Variants in PITPNM3 observed in about 807,000 individuals in gnomAD.
PITPNM3 encodes PITPNM family member 3.
In PITPNM3, 26 loss-of-function variants were observed where a neutral mutation model predicts 102.0. The observed-to-expected ratio is 0.25, with a 90% CI of 0.19 to 0.35. The LOEUF is 0.35. PITPNM3 is among the 10% of genes least tolerant of loss of function. The pLI is 1.00. For synonymous variants in PITPNM3, 578 were observed against 558.6 expected (o/e 1.03, Z -0.49); for missense variants, 1,083 against 1,346.1 (o/e 0.80, Z 3.06).
chr17:6,542,510 T>A (rs1909786030), intron 1 of PITPNM3, among the ~76,000 whole-genome samples: 1 of 152,220 alleles, frequency 6.6e-6, no homozygotes, highest in South Asian at 2.1e-4. Flanking sequence ...TAGCAGAGGT[T>A]AGAACACGGG....
chr17:6,497,730 C>T (rs999709648), intron 4 of PITPNM3, among the ~76,000 whole-genome samples: 8 of 152,206 alleles, frequency 5.3e-5, no homozygotes, highest in Admixed American at 5.2e-4. Flanking sequence ...AGACGACCAG[C>T]ATGGCTTTGG....
Position 6,525,370 on chromosome 17 carries a change from A to C in PITPNM3, c.212T>G (p.Leu71Arg). The C allele has an allele frequency of 2.5e-6, 4 of 1,614,174 alleles. No homozygotes were observed. Among genetic ancestry groups the C allele is most frequent in the Non-Finnish European group, 2.5e-6 (3 of 1,180,002 alleles). ...LVEQIETMGK[L>R]DEHQGEGTAP... Reference sequence around the variant, plus strand: ...CAGAGTCTCACCTTGATGCTCGTCCAGTTTCCCCATGGTCTCGATCTGCTC... The same window carrying C: ...CAGAGTCTCACCTTGATGCTCGTCCCGTTTCCCCATGGTCTCGATCTGCTC... The change falls in exon 3 of 20, where the codon CTG (leucine) becomes CGG (arginine). Residue 71 changes from leucine to arginine, a missense_variant. Leu to Arg is a moderately radical substitution (Grantham distance 102). This residue lies in a region of PITPNM3 where 290 missense variants were observed against 337.8 expected (regional missense o/e 0.86). Transcript: ENST00000262483.
At position 6,551,563 on chromosome 17, in the gene PITPNM3, C is replaced by A. The variant is rs1910301708; in HGVS notation, c.22+4822G>T. ...GAGTCATGCCTCAAATCCTCTGGCA[C>A]CTCCCCAAAGATTTAAGAATCCCAG... On this transcript the variant is annotated intron_variant, in intron 1 of 19. Coordinates refer to ENST00000262483, the MANE Select transcript of PITPNM3 (RefSeq NM_031220.4). Among the ~76,000 whole-genome samples the A allele has an allele frequency of 3.3e-5, 5 of 152,050 alleles. No homozygotes were observed. In the South Asian group the frequency reaches 1.0e-3, roughly 32 times the overall value.
At position 6,556,286 on chromosome 17, in the gene PITPNM3, C is replaced by A; in HGVS notation, c.22+99G>T. On this transcript the variant is annotated intron_variant, in intron 1 of 19. Coordinates refer to ENST00000262483, the MANE Select transcript of PITPNM3 (RefSeq NM_031220.4). This position sits in a 1 kb window ranked among gnomAD's most constrained non-coding sequence, Gnocchi z 5.2. Reference sequence around the variant, plus strand: ...CCTACGCCCTCCCGGGACCTCCGCCCACCTGCGCGAGGGGTTCACCTGGGC... The same window carrying A: ...CCTACGCCCTCCCGGGACCTCCGCCAACCTGCGCGAGGGGTTCACCTGGGC... 1.8e-6 allele frequency: 2 copies of A among 1,090,158 alleles called. No homozygotes were observed. The highest frequency in any genetic ancestry group is 1.8e-5 in the South Asian group (1 of 54,330). The allele number at this position is 1,090,158 out of a possible 1,614,324, so 67.5% of individuals were successfully genotyped here.
chr17:6,538,210 C>T, intron 1 of PITPNM3, 128 bp from the exon 2 acceptor site: 1 of 718,436 alleles, frequency 1.4e-6, no homozygotes, highest in Middle Eastern at 2.7e-4. Flanking sequence ...CCCTCCGAGG[C>T]CTCAGACCTC....
chr17:6,518,205 T>C (rs2150631707), intron 3 of PITPNM3, among the ~76,000 whole-genome samples: 1 of 152,334 alleles, frequency 6.6e-6, no homozygotes, highest in African/African-American at 2.4e-5. Flanking sequence ...TCAGGATTCT[T>C]GTACATGGCT....
At chr17:6,490,953 C>T (rs1341570026) in intron 4 of PITPNM3, among the ~76,000 whole-genome samples, 6 of 126,514 alleles carry the variant, frequency 4.7e-5, no homozygotes, top group Non-Finnish European at 9.7e-5. Context: ...CAGAGCAAGA[C>T]TCTGTCACCA....
intron 1 of PITPNM3, among the ~76,000 whole-genome samples, chr17:6,543,643 C>T (rs1454837809): frequency 1.3e-5 from 2 of 152,240 alleles, no homozygotes; most frequent in African/African-American, 4.8e-5. Flanking sequence ...AGTCCCTGCC[C>T]TCAGAAATGC....
In PITPNM3 at chr17:6,540,524, A is replaced by C. The variant is rs77142754; in HGVS notation, c.23-2442T>G. The stretch of plus-strand genomic sequence containing the variant: ...ACTTTGTCACCTATTGTAGTTATAA[A>C]TGCTGAACTAACATGATGTCTCCCT... On this transcript the variant is annotated intron_variant, in intron 1 of 19. Transcript: ENST00000262483. 8.9e-3 allele frequency among the ~76,000 whole-genome samples: 1,348 copies of C among 152,306 alleles called. 17 individuals are homozygous for C. Among genetic ancestry groups the C allele is most frequent in the African/African-American group, 0.03 (1,259 of 41,566 alleles).
At chr17:6,542,998 T>C (rs994985913) in intron 1 of PITPNM3, among the ~76,000 whole-genome samples, 2 of 152,228 alleles carry the variant, frequency 1.3e-5, no homozygotes, top group South Asian at 4.1e-4. Flanking sequence ...AGTGCTGGGA[T>C]TACAGGCGTG....
At chr17:6,514,691 T>C (rs913507879) in intron 3 of PITPNM3, among the ~76,000 whole-genome samples, 1 of 152,182 alleles carries the variant, frequency 6.6e-6, no homozygotes, top group African/African-American at 2.4e-5. Context: ...GGAAATGAAT[T>C]TGGCAGCTCT....
intron 9 of PITPNM3, 125 bp downstream of exon 9, chr17:6,476,904 T>C: frequency 8.1e-7 from 1 of 1,241,112 alleles, no homozygotes; most frequent in Non-Finnish European, 1.1e-6. Context: ...CGAGTGGCCT[T>C]GGTCCCAGCA....
intron 1 of PITPNM3, among the ~76,000 whole-genome samples, chr17:6,555,019 G>A (rs548478252): frequency 1.3e-5 from 2 of 152,284 alleles, no homozygotes; most frequent in South Asian, 2.1e-4. Context: ...TGGGACACAC[G>A]CCCTGCCACA....
At position 6,525,480 on chromosome 17, in the gene PITPNM3, C is replaced by A; in HGVS notation, c.119-17G>T. The A allele has an allele frequency of 6.3e-7, 1 of 1,599,508 alleles. No homozygotes were observed. The highest frequency in any genetic ancestry group is 8.6e-7 in the Non-Finnish European group (1 of 1,166,766). On this transcript the variant is annotated splice_polypyrimidine_tract_variant and intron_variant, in intron 2 of 19. Transcript: ENST00000262483. ...CCATCTCCTCTGTGGGAAGAAGCAG[C>A]GGTGAGCAGAAGCAGGTGCAGCTAG...
At chr17:6,481,865 G>C (rs991918858) in intron 6 of PITPNM3, 1 of 77,506 alleles carries the variant, frequency 1.3e-5, no homozygotes, top group Non-Finnish European at 2.7e-5. Flanking sequence ...GAGAGAGAGA[G>C]AGAGAGAGAG....
At chr17:6,493,424 C>A (rs1031772798) in intron 4 of PITPNM3, among the ~76,000 whole-genome samples, 12 of 152,172 alleles carry the variant, frequency 7.9e-5, no homozygotes, top group African/African-American at 2.9e-4. Flanking sequence ...AAAGCCAGGA[C>A]AAATAAGGGT....
At chr17:6,462,820 G>C (rs1904534567) in intron 17 of PITPNM3, among the ~76,000 whole-genome samples, 1 of 152,146 alleles carries the variant, frequency 6.6e-6, no homozygotes, top group African/African-American at 2.4e-5. Context: ...CTGATGTGGG[G>C]CCCAGTGATG....
Position 6,517,858 on chromosome 17 carries a change from C to A in PITPNM3, c.226+7498G>T, listed in dbSNP as rs1273633101. The stretch of plus-strand genomic sequence containing the variant: ...TACAGGCATGAGCCACTGTACCTGG[C>A]CAAAAATACCAGTTTTCAAATGTAT... On this transcript the variant is annotated intron_variant, in intron 3 of 19. Coordinates refer to ENST00000262483, the MANE Select transcript of PITPNM3 (RefSeq NM_031220.4). The surrounding 1 kb of genome is among the most constrained non-coding windows in gnomAD (Gnocchi z 4.1). 2.6e-5 allele frequency among the ~76,000 whole-genome samples: 4 copies of A among 151,916 alleles called. No individual in the cohort carries two copies. The highest frequency in any genetic ancestry group is 5.9e-5 in the Non-Finnish European group (4 of 67,986).
At position 6,536,101 on chromosome 17, in the gene PITPNM3, G is replaced by A. The variant is rs117765422; in HGVS notation, c.118+1886C>T. Among the ~76,000 whole-genome samples the A allele has an allele frequency of 8.4e-4, 127 of 151,540 alleles. 4 individuals carry two copies. The East Asian group carries it at 0.021, about 25-fold the overall frequency. ...AAAAAAAAAGAAAAAAAAAAAAGGA[G>A]ATGATGAGAAAGAAAACACAGGGCC... On this transcript the variant is annotated intron_variant, in intron 2 of 19. Coordinates refer to ENST00000262483, the MANE Select transcript of PITPNM3 (RefSeq NM_031220.4).
Sources: gnomAD v4.1 joint callset for allele counts (sites outside exome capture counted in the v4.1 genomes callset) on GRCh38, gnomAD v4.1.1 for gene constraint, gnomAD v4.1.1 regional missense constraint, Gnocchi (gnomAD v3.1) non-coding constraint, MANE v1.5 for transcripts, NCBI Gene and HGNC (gene_info 2026-07-23, HGNC 2026-07-21) for gene names.